Variants in AGBL1 observed in about 807,000 individuals in gnomAD.
AGBL1 encodes AGBL carboxypeptidase 1.
AGBL1 carries 130 observed loss-of-function variants against 118.9 expected under a neutral mutation model. The ratio of observed to expected loss-of-function variants is 1.09; its 90% confidence interval spans 0.95 to 1.26. The LOEUF (loss-of-function observed/expected upper bound fraction) is 1.26. Among genes scored for constraint, AGBL1 ranks in the 50% most tolerant of loss-of-function variants. AGBL1 has a pLI of 0.00. For synonymous variants in AGBL1, 555 were observed against 478.9 expected, an observed-to-expected ratio of 1.16 and a Z score of -2.08; for missense variants, 1,584 against 1,298.1, an observed-to-expected ratio of 1.22 and a Z score of -3.38.
intron 22 of AGBL1, among the ~76,000 whole-genome samples, chr15:86,828,610 C>T (rs2079063743): frequency 6.6e-6 from 1 of 152,004 alleles, no homozygotes; most frequent in Non-Finnish European, 1.5e-5. Flanking sequence ...CTAGAAAAGG[C>T]AAAGAAACGA....
At chr15:86,823,800 C>T (rs2078972555) in intron 22 of AGBL1, among the ~76,000 whole-genome samples, 1 of 152,008 alleles carries the variant, frequency 6.6e-6, no homozygotes, top group African/African-American at 2.4e-5. Flanking sequence ...TCTGCTGGAT[C>T]CACCATAACA....
intron 21 of AGBL1, among the ~76,000 whole-genome samples, chr15:86,616,226 AC>A (rs2084719463): frequency 6.6e-6 from 1 of 151,812 alleles, no homozygotes; most frequent in South Asian, 2.1e-4. Context: ...AATCTCAGCT[AC>A]TCAGGAGGCT....
At chr15:86,396,397 C>T (rs909637074) in intron 17 of AGBL1, among the ~76,000 whole-genome samples, 1 of 151,974 alleles carries the variant, frequency 6.6e-6, no homozygotes, top group South Asian at 2.1e-4. Flanking sequence ...CTATCTTTCC[C>T]TCATCAGCAC....
intron 18 of AGBL1, among the ~76,000 whole-genome samples, chr15:86,415,016 G>C (rs371862945): frequency 6.6e-6 from 1 of 152,274 alleles, no homozygotes; most frequent in South Asian, 2.1e-4. Flanking sequence ...CTATGAGAGC[G>C]TAAGGGAAGC....
At chr15:86,574,440 G>T (rs928364812) in intron 21 of AGBL1, among the ~76,000 whole-genome samples, 10 of 152,154 alleles carry the variant, frequency 6.6e-5, no homozygotes, top group African/African-American at 2.2e-4. Flanking sequence ...CCCAAGGGGT[G>T]CAACAAGGGC....
chr15:86,644,061 T>G (rs1424137681), intron 21 of AGBL1, among the ~76,000 whole-genome samples: 4 of 152,192 alleles, frequency 2.6e-5, no homozygotes, highest in African/African-American at 9.6e-5. Context: ...AAATTTAACG[T>G]TTAAGTGGTA....
intron 19 of AGBL1, among the ~76,000 whole-genome samples, chr15:86,529,516 C>G (rs1223643861): frequency 2.2e-5 from 3 of 133,890 alleles, no homozygotes; most frequent in African/African-American, 7.7e-5. Flanking sequence ...AGAATGGAAC[C>G]AAATTGGAAA....
At chr15:86,696,696 G>A (rs1005019347) in intron 22 of AGBL1, among the ~76,000 whole-genome samples, 2 of 151,840 alleles carry the variant, frequency 1.3e-5, no homozygotes, top group Non-Finnish European at 2.9e-5. Flanking sequence ...TAGGACCCAT[G>A]AGATTCATGC....
chr15:86,593,260 A>C (rs1308472381), intron 21 of AGBL1, among the ~76,000 whole-genome samples: 1 of 149,596 alleles, frequency 6.7e-6, no homozygotes, highest in Non-Finnish European at 1.5e-5. Flanking sequence ...TCTCTGTCCA[A>C]CTTGTGGAAT....
intron 5 of AGBL1, among the ~76,000 whole-genome samples, chr15:86,160,282 A>T (rs1026199599): frequency 6.6e-6 from 1 of 152,000 alleles, no homozygotes; most frequent in Non-Finnish European, 1.5e-5. Flanking sequence ...AAACTCAGGG[A>T]CCAAAAAAAT....
intron 22 of AGBL1, among the ~76,000 whole-genome samples, chr15:86,717,630 GAAAAGC>G (rs1234778131): frequency 6.6e-6 from 1 of 152,188 alleles, no homozygotes; most frequent in Non-Finnish European, 1.5e-5. Flanking sequence ...TAGCCAAGTA[GAAAAGC>G]AAAGGCTTGG....
At position 86,754,772 on chromosome 15, in the gene AGBL1, A is replaced by G. The variant is rs114779456; in HGVS notation, c.3158+80336A>G. Among the ~76,000 whole-genome samples the G allele has an allele frequency of 3.2e-3, 490 of 152,022 alleles. 6 individuals are homozygous for G. The highest frequency in any genetic ancestry group is 0.01 in the African/African-American group (425 of 41,506). On this transcript the variant is annotated intron_variant, in intron 22 of 22. Coordinates refer to ENST00000614907, the MANE Select transcript of AGBL1 (RefSeq NM_001386094.1). ...GTGGTTTCTTTATTCCCATCCTTTT[A>G]TCTTTTTGTGTTCCCTGTTCAGAGG...
chr15:86,766,558 A>T (rs1031347090), intron 22 of AGBL1, among the ~76,000 whole-genome samples: 1 of 151,920 alleles, frequency 6.6e-6, no homozygotes, highest in East Asian at 1.9e-4. Context: ...ATGAAGATAG[A>T]TGGTCATATA....
chr15:86,419,490 T>C (rs2081754688), intron 18 of AGBL1, among the ~76,000 whole-genome samples: 1 of 151,892 alleles, frequency 6.6e-6, no homozygotes. Context: ...CTTGGGTGCC[T>C]ACACCACCAA....
At chr15:86,740,910 A>G (rs1172717641) in intron 22 of AGBL1, among the ~76,000 whole-genome samples, 1 of 152,108 alleles carries the variant, frequency 6.6e-6, no homozygotes, top group African/African-American at 2.4e-5. Context: ...CAGAGGTGAG[A>G]TCCCCTCCAT....
chr15:86,388,118 G>T (rs2081223640), intron 17 of AGBL1, among the ~76,000 whole-genome samples: 1 of 152,178 alleles, frequency 6.6e-6, no homozygotes, highest in African/African-American at 2.4e-5. Flanking sequence ...GTTTGTAAAA[G>T]ATGGCTTGGG....
intron 22 of AGBL1, among the ~76,000 whole-genome samples, chr15:86,705,708 A>G (rs966642766): frequency 6.6e-6 from 1 of 152,178 alleles, no homozygotes; most frequent in African/African-American, 2.4e-5. Context: ...GGCAACAGGA[A>G]GCATAAGGGG....
intron 7 of AGBL1, among the ~76,000 whole-genome samples, chr15:86,254,341 A>G (rs1484445987): frequency 1.3e-5 from 2 of 152,236 alleles, no homozygotes; most frequent in African/African-American, 2.4e-5. Flanking sequence ...AGATGAAGAC[A>G]CTGTGGCACA....
At chr15:86,652,869 A>T (rs1312847442) in intron 21 of AGBL1, among the ~76,000 whole-genome samples, 1 of 152,054 alleles carries the variant, frequency 6.6e-6, no homozygotes, top group Non-Finnish European at 1.5e-5. Flanking sequence ...GTATCTAGAG[A>T]CATTTTGGGT....
Sources: allele counts gnomAD v4.1 joint callset (sites outside exome capture counted in the v4.1 genomes callset), GRCh38; gene constraint gnomAD v4.1.1; transcripts MANE v1.5; gene names NCBI Gene and HGNC (gene_info 2026-07-23, HGNC 2026-07-21).